Variants in NNT observed in about 807,000 individuals in gnomAD.
NNT encodes NAD(P) transhydrogenase, mitochondrial.
A neutral mutation model predicts 104.8 loss-of-function variants in NNT; 50 were observed. The ratio of observed to expected loss-of-function variants is 0.48; its 90% CI spans 0.38 to 0.60. The LOEUF (loss-of-function observed/expected upper bound fraction) is 0.60, where lower values mean the gene tolerates loss of function less well. NNT is among the 20% of genes least tolerant of loss of function. NNT has a pLI of 0.00. For synonymous variants in NNT, 461 were observed against 490.4 expected, an observed-to-expected ratio of 0.94 and a Z score of 0.79; for missense variants, 1,131 against 1,330.7, an observed-to-expected ratio of 0.85 and a Z score of 2.33.
At chr5:43,625,465 T>TA (rs375798318) in intron 6 of NNT, among the ~76,000 whole-genome samples, 4 of 152,172 alleles carry the variant, frequency 2.6e-5, no homozygotes, top group African/African-American at 9.6e-5. Flanking sequence ...CTAAGAATTA[T>TA]AGCTCATTAG....
chr5:43,704,047 T>A (rs1742992232), intron 21 of NNT, among the ~76,000 whole-genome samples: 1 of 152,196 alleles, frequency 6.6e-6, no homozygotes, highest in Non-Finnish European at 1.5e-5. Flanking sequence ...CTAATGGATA[T>A]AAGAATAAGG....
intron 16 of NNT, 127 bp from the exon 17 acceptor site, chr5:43,659,044 C>T (rs541810863): frequency 1.1e-4 from 98 of 890,894 alleles, no homozygotes; most frequent in East Asian, 1.9e-4. Context: ...CACTTATTAC[C>T]GGAAGTGGAA....
chr5:43,687,663 T>C (rs1742055159), intron 19 of NNT, among the ~76,000 whole-genome samples: 1 of 152,178 alleles, frequency 6.6e-6, no homozygotes, highest in African/African-American at 2.4e-5. Flanking sequence ...AGTCATAAAG[T>C]TTAGTGTAAT....
chr5:43,664,064 C>G (rs540221162), intron 17 of NNT, among the ~76,000 whole-genome samples: 2 of 152,194 alleles, frequency 1.3e-5, no homozygotes, highest in Non-Finnish European at 2.9e-5. Flanking sequence ...GGAATGCACC[C>G]CAAGTGGCTA....
chr5:43,685,407 C>T (rs1741930374), intron 19 of NNT, among the ~76,000 whole-genome samples: 1 of 152,010 alleles, frequency 6.6e-6, no homozygotes, highest in Admixed American at 6.6e-5. Context: ...AGTAACTGAA[C>T]ATTTGGAGTA....
At chr5:43,645,623 A>G in intron 10 of NNT, 113 bp downstream of exon 10, 1 of 364,202 alleles carries the variant, frequency 2.7e-6, no homozygotes, top group Non-Finnish European at 4.4e-6. Context: ...AGATATATAT[A>G]CACATATATA....
At chr5:43,615,123 G>A (rs1198812500) in intron 3 of NNT, among the ~76,000 whole-genome samples, 1 of 151,522 alleles carries the variant, frequency 6.6e-6, no homozygotes, top group Non-Finnish European at 1.5e-5. Context: ...CGGCCTGGGC[G>A]ACAGAGCGAG....
intron 1 of NNT, among the ~76,000 whole-genome samples, chr5:43,608,509 T>A (rs1228467675): frequency 6.6e-6 from 1 of 152,234 alleles, no homozygotes; most frequent in Non-Finnish European, 1.5e-5. Context: ...GGAATTTTTC[T>A]TTCTTTCTTC....
chr5:43,673,238 A>T (rs553243107), intron 17 of NNT, among the ~76,000 whole-genome samples: 16 of 152,278 alleles, frequency 1.1e-4, no homozygotes, highest in African/African-American at 2.9e-4. Context: ...TTCCCAGGTG[A>T]GGCAATGCCT....
At chr5:43,611,131 G>T (rs987533159) in intron 2 of NNT, among the ~76,000 whole-genome samples, 5 of 124,532 alleles carry the variant, frequency 4.0e-5, no homozygotes, top group Non-Finnish European at 8.0e-5. Context: ...TTTACAGTTG[G>T]CTTGTTCAAA....
chr5:43,632,211 A>G (rs903550324), intron 7 of NNT, among the ~76,000 whole-genome samples: 1 of 152,146 alleles, frequency 6.6e-6, no homozygotes, highest in African/African-American at 2.4e-5. Flanking sequence ...CTGATGATGT[A>G]TCTGACTCTT....
intron 1 of NNT, among the ~76,000 whole-genome samples, chr5:43,607,151 G>A (rs779952609): frequency 1.3e-5 from 2 of 151,922 alleles, no homozygotes; most frequent in South Asian, 2.1e-4. Flanking sequence ...CTACAGGTGC[G>A]CACCATCACT....
In NNT at chr5:43,644,706, C is replaced by T. The variant is rs746254907; in HGVS notation, c.1194C>T (p.Ala398=). The stretch of plus-strand genomic sequence containing the variant: ...ACAACATCACCAAACTCCTGAAGGC[C>T]ATCAGCCCGGACAAAGATAATTTTT... The part of the protein sequence containing the change: ...YSNNITKLLK[A]ISPDKDNFYF... Residue 398 remains alanine (A), a synonymous_variant, in exon 9 of 22, where the codon GCC becomes GCT. Transcript: ENST00000344920. 6.2e-7 allele frequency: 1 copy of T among 1,614,174 alleles called. No individual in the cohort carries two copies. The highest frequency in any genetic ancestry group is 8.5e-7 in the Non-Finnish European group (1 of 1,180,022).
At chr5:43,670,396 T>C (rs147097273) in intron 17 of NNT, among the ~76,000 whole-genome samples, 7,402 of 152,124 alleles carry the variant, frequency 0.049, 259 homozygotes, top group East Asian at 0.2. Flanking sequence ...TTAGATCTTT[T>C]CTGCTTTCTC....
intron 3 of NNT, among the ~76,000 whole-genome samples, chr5:43,614,419 C>T (rs936358875): frequency 2.6e-5 from 4 of 152,164 alleles, no homozygotes; most frequent in South Asian, 2.1e-4. Flanking sequence ...CAGATGACAG[C>T]GGTCTCAGCT....
chr5:43,619,677 T>C (rs1293924134), intron 5 of NNT, among the ~76,000 whole-genome samples: 1 of 152,206 alleles, frequency 6.6e-6, no homozygotes, highest in Non-Finnish European at 1.5e-5. Context: ...CATATTGTGA[T>C]CCTTCAATCC....
intron 20 of NNT, 22 bp from the exon 21 acceptor site, chr5:43,702,599 T>C: frequency 6.9e-7 from 1 of 1,452,326 alleles, no homozygotes; most frequent in Non-Finnish European, 9.4e-7. Context: ...TTATATTCTT[T>C]CTTTTTTGTT....
chr5:43,612,963 G>T lies in NNT; in HGVS notation c.207G>T (p.Glu69Asp). The T allele has an allele frequency of 6.2e-7, 1 of 1,614,102 alleles. No individual in the cohort carries two copies. The highest frequency in any genetic ancestry group is 8.5e-7 in the Non-Finnish European group (1 of 1,180,010). Residue 69 changes from glutamate (E) to aspartate (D), a missense_variant, in exon 3 of 22, where the codon GAG (glutamate) becomes GAT (aspartate). Transcript: ENST00000344920. ...VGVPKEIFQN[E>D]KRVALSPAGV... is the part of the protein sequence containing the mutation. ...TCCCCAAAGAGATATTCCAAAATGAGAAGCGAGTGGCATTGTCTCCTGCTG... is the reference window on the plus strand; with the variant it reads ...TCCCCAAAGAGATATTCCAAAATGATAAGCGAGTGGCATTGTCTCCTGCTG...
At chr5:43,679,447 C>A (rs1256682153) in intron 19 of NNT, among the ~76,000 whole-genome samples, 1 of 152,136 alleles carries the variant, frequency 6.6e-6, no homozygotes, top group Non-Finnish European at 1.5e-5. Context: ...CTAGGTTAAC[C>A]AGACATCTTG....
Sources: gnomAD v4.1 joint callset for allele counts (sites outside exome capture counted in the v4.1 genomes callset) on GRCh38, gnomAD v4.1.1 for gene constraint, MANE v1.5 for transcripts, NCBI Gene and HGNC (gene_info 2026-07-23, HGNC 2026-07-21) for gene names.